RFX4: variants seen among roughly 807,000 people sequenced by gnomAD.
RFX4 encodes regulatory factor X4.
In RFX4, 10 loss-of-function variants were observed where a neutral mutation model predicts 95.0. That is an observed-to-expected ratio of 0.11 (90% CI 0.06 to 0.18). RFX4 has a LOEUF of 0.18. Ranked by LOEUF, RFX4 falls within the 10% of genes least tolerant of loss-of-function variation. RFX4 has a pLI of 1.00. For missense variants in RFX4, 640 were observed against 922.0 expected, an observed-to-expected ratio of 0.69 and a Z score of 3.96; for synonymous variants, 321 against 340.7, an observed-to-expected ratio of 0.94 and a Z score of 0.64.
At chr12:106,593,138 C>G (rs1194631785) in intron 1 of RFX4, among the ~76,000 whole-genome samples, 1 of 152,150 alleles carries the variant, frequency 6.6e-6, no homozygotes, top group South Asian at 2.1e-4. Context: ...TATTGTGCCT[C>G]GGAGCAATCA....
At chr12:106,619,739 T>A (rs1389662979) in intron 2 of RFX4, among the ~76,000 whole-genome samples, 3 of 152,214 alleles carry the variant, frequency 2.0e-5, no homozygotes, top group Non-Finnish European at 4.4e-5. Context: ...CGATTATACT[T>A]CATTTTTTTA....
At chr12:106,655,194 C>T (rs1381606637) in intron 4 of RFX4, among the ~76,000 whole-genome samples, 6 of 152,070 alleles carry the variant, frequency 3.9e-5, no homozygotes, top group South Asian at 2.1e-4. Flanking sequence ...GACAAAGAGC[C>T]GTGTTAGGGC....
intron 17 of RFX4, among the ~76,000 whole-genome samples, chr12:106,759,548 T>C (rs1360789936): frequency 6.6e-6 from 1 of 152,178 alleles, no homozygotes; most frequent in Non-Finnish European, 1.5e-5. Context: ...TTTAGAGAGG[T>C]TCCTGTGCTA....
In RFX4 at chr12:106,736,898, G is replaced by T. The variant is rs138521848; in HGVS notation, c.1633+3813G>T. 8.3e-4 allele frequency among the ~76,000 whole-genome samples: 126 copies of T among 152,168 alleles called. 2 individuals carry two copies. Among genetic ancestry groups the T allele is most frequent in the Admixed American group, 3.3e-3 (51 of 15,262 alleles). The stretch of plus-strand genomic sequence containing the variant: ...ACTAAGTCTCGTTTTCATGAAGCCT[G>T]TGCCTCCTCAAAGTGCTGGGGCAAA... On this transcript the variant is annotated intron_variant, in intron 15 of 17. Coordinates refer to ENST00000392842, the MANE Select transcript of RFX4 (RefSeq NM_213594.3).
intron 8 of RFX4, among the ~76,000 whole-genome samples, chr12:106,700,067 C>A (rs1047754940): frequency 3.3e-5 from 5 of 152,054 alleles, no homozygotes; most frequent in African/African-American, 1.2e-4. Flanking sequence ...ACTCTGTCAC[C>A]CAGGCTCCAG....
intron 1 of RFX4, among the ~76,000 whole-genome samples, chr12:106,590,097 GA>G (rs989341780): frequency 3.9e-5 from 6 of 152,166 alleles, no homozygotes; most frequent in South Asian, 2.1e-4. Context: ...CAATATGAAG[GA>G]AAAAAACCTA....
At position 106,689,216 on chromosome 12, in the gene RFX4, G is replaced by T; in HGVS notation, c.592-71G>T. 2.3e-6 allele frequency: 3 copies of T among 1,301,656 alleles called. No homozygotes were observed. The South Asian group carries it at 3.6e-5, about 15-fold the overall frequency. The allele number at this position is 1,301,656 out of a possible 1,614,324, so 80.6% of individuals were successfully genotyped here. A position where few individuals can be genotyped will look rare whatever the true frequency, so the allele number is the denominator to read the frequency against. ...ACAGGGAAGAAATGACTTAAAAACTGAAAGTCCAAGGGCAGCAGCAATGTG... is the reference window on the plus strand; with the variant it reads ...ACAGGGAAGAAATGACTTAAAAACTTAAAGTCCAAGGGCAGCAGCAATGTG... On this transcript the variant is annotated intron_variant, in intron 6 of 17. Coordinates refer to ENST00000392842, the MANE Select transcript of RFX4 (RefSeq NM_213594.3).
chr12:106,617,331 T>C (rs1453015041), intron 2 of RFX4, among the ~76,000 whole-genome samples: 2 of 152,200 alleles, frequency 1.3e-5, no homozygotes, highest in African/African-American at 4.8e-5. Context: ...GATAGGTGCT[T>C]AGATTATTGA....
chr12:106,645,898 T>A (rs1258765630), intron 3 of RFX4: 1 of 1,289,060 alleles, frequency 7.8e-7, no homozygotes, highest in Non-Finnish European at 1.0e-6. Flanking sequence ...TAGATGTGAC[T>A]GTGTCCCTCC....
intron 15 of RFX4, among the ~76,000 whole-genome samples, chr12:106,741,019 C>T (rs2042795271): frequency 6.6e-6 from 1 of 152,134 alleles, no homozygotes; most frequent in African/African-American, 2.4e-5. Flanking sequence ...GAGGAAGTTG[C>T]AGAGATAGGC....
chr12:106,715,435 G>A lies in RFX4; in HGVS notation c.1029G>A (p.Thr343=), dbSNP rs1592973488. 8 of 1,614,062 alleles carry A rather than the reference G, an allele frequency of 5.0e-6. No homozygotes were observed. The highest frequency in any genetic ancestry group is 1.1e-5 in the South Asian group (1 of 91,088). The part of the protein sequence containing the change: ...SRTVIHSADI[T]FQMLEDWRNV... ...CAGTGATCCACAGTGCAGACATCAC[G>A]TTCCAAATGCTGGAAGACTGGAGGA... is the stretch of plus-strand genomic sequence containing the variant. The change falls in exon 11 of 18, where the codon ACG becomes ACA. Residue 343 remains threonine, a synonymous_variant. Coordinates refer to ENST00000392842, the MANE Select transcript of RFX4 (RefSeq NM_213594.3).
At chr12:106,738,327 GAGAC>G (rs1343942024) in intron 15 of RFX4, among the ~76,000 whole-genome samples, 2 of 152,182 alleles carry the variant, frequency 1.3e-5, no homozygotes, top group African/African-American at 4.8e-5. Flanking sequence ...TTCAAATAAG[GAGAC>G]AGACTCAAAG....
At chr12:106,637,515 G>C (rs1779250598) in intron 2 of RFX4, among the ~76,000 whole-genome samples, 1 of 151,542 alleles carries the variant, frequency 6.6e-6, no homozygotes, top group Admixed American at 6.6e-5. Flanking sequence ...TGATTTCATT[G>C]ATCTTTTTAA....
chr12:106,691,199 AT>A (rs2041773385), intron 7 of RFX4, among the ~76,000 whole-genome samples: 1 of 152,242 alleles, frequency 6.6e-6, no homozygotes, highest in African/African-American at 2.4e-5. Context: ...ATTTAAAAAA[AT>A]CATCCCCATC....
rs151028311 is a variant in RFX4, at chr12:106,720,003, C to T, written c.1182C>T (p.Ile394=). 2 of 1,614,072 alleles carry T rather than the reference C, an allele frequency of 1.2e-6. No individual in the cohort carries two copies. Among genetic ancestry groups the T allele is most frequent in the Non-Finnish European group, 1.7e-6 (2 of 1,180,036 alleles). The part of the protein sequence containing the change: ...FDHLLEEQSP[I]ESYIEWLDTM... ...ATCTCTTGGAGGAGCAGTCTCCCAT[C>T]GAGTCCTACATTGAGTGGCTGGATA... The change falls in exon 12 of 18, where the codon ATC becomes ATT. Residue 394 remains isoleucine, a synonymous_variant. Coordinates refer to ENST00000392842, the MANE Select transcript of RFX4 (RefSeq NM_213594.3). The surrounding 1 kb of genome is among the most constrained non-coding windows in gnomAD (Gnocchi z 4.2).
chr12:106,630,645 A>T (rs1238329761), intron 2 of RFX4, among the ~76,000 whole-genome samples: 1 of 152,230 alleles, frequency 6.6e-6, no homozygotes, highest in Non-Finnish European at 1.5e-5. Flanking sequence ...GGTCAGTATA[A>T]TGAAAGGAAA....
chr12:106,750,682 C>G lies in RFX4; in HGVS notation c.1824C>G (p.Ser608Arg). 6.2e-7 allele frequency: 1 copy of G among 1,608,644 alleles called. No individual in the cohort carries two copies. The highest frequency in any genetic ancestry group is 8.5e-7 in the Non-Finnish European group (1 of 1,177,714). The change falls in exon 17 of 18, where the codon AGC becomes AGG. Residue 608 changes from serine to arginine, a missense_variant. By Grantham distance (110) the Ser-to-Arg change is moderately radical (BLOSUM62 -1). This residue lies in a region of RFX4 where 300 missense variants were observed against 346.8 expected (regional missense o/e 0.87). Transcript: ENST00000392842. ...HGYTGSYNYG[S>R]YGNQHPHPMQ... is the part of the protein sequence containing the mutation. ...ACACGGGAAGCTATAACTATGGGAG[C>G]TATGGCAACCAGCATCCTCACCCCA...
rs191708326 is a variant in RFX4 at position 106,697,966 on chromosome 12, A to T, written c.833+1520A>T. ...GTTCGTGTGTGTTTATAATTATTATAATTATTATTATTATTTTTTTTTTGA... is the reference window on the plus strand; with the variant it reads ...GTTCGTGTGTGTTTATAATTATTATTATTATTATTATTATTTTTTTTTTGA... On this transcript the variant is annotated intron_variant, in intron 8 of 17. Transcript: ENST00000392842. Among the ~76,000 whole-genome samples, 251 of 151,490 alleles carry T rather than the reference A, an allele frequency of 1.7e-3. 2 individuals carry two copies. The highest frequency in any genetic ancestry group is 2.1e-3 in the Non-Finnish European group (141 of 67,858).
chr12:106,594,935 A>T (rs2039597427), intron 1 of RFX4, among the ~76,000 whole-genome samples: 1 of 152,204 alleles, frequency 6.6e-6, no homozygotes, highest in Non-Finnish European at 1.5e-5. Context: ...GAGGCAAGGA[A>T]GAGACCCCAT....
Sources: gnomAD v4.1 joint callset for allele counts (sites outside exome capture counted in the v4.1 genomes callset) on GRCh38, gnomAD v4.1.1 for gene constraint, gnomAD v4.1.1 regional missense constraint, Gnocchi (gnomAD v3.1) non-coding constraint, MANE v1.5 for transcripts, NCBI Gene and HGNC (gene_info 2026-07-23, HGNC 2026-07-21) for gene names.